AP1G1: variants seen among roughly 807,000 people sequenced by gnomAD.
AP1G1 encodes the protein adaptor related protein complex 1 subunit gamma 1.
Under a neutral mutation model 108.3 loss-of-function variants are expected in AP1G1, and 7 were observed. That is an observed-to-expected ratio of 0.06 (90% CI 0.04 to 0.12). The LOEUF (loss-of-function observed/expected upper bound fraction) is 0.12. Ranked by LOEUF, AP1G1 falls within the 10% of genes least tolerant of loss-of-function variation. AP1G1 has a pLI of 1.00. For missense variants in AP1G1, 756 were observed against 1,010.7 expected, an observed-to-expected ratio of 0.75 and a Z score of 3.42; for synonymous variants, 379 against 353.5, an observed-to-expected ratio of 1.07 and a Z score of -0.81.
At chr16:71,795,825 AG>A (rs1251033785) in intron 1 of AP1G1, among the ~76,000 whole-genome samples, 2 of 152,160 alleles carry the variant, frequency 1.3e-5, no homozygotes, top group Non-Finnish European at 2.9e-5. Context: ...AGGGGAGTAG[AG>A]GGGTGCATAC....
intron 5 of AP1G1, 151 bp downstream of exon 5, chr16:71,771,005 C>T (rs901201862): frequency 6.5e-6 from 3 of 458,160 alleles, no homozygotes; most frequent in Non-Finnish European, 1.2e-5. Context: ...AGTGGAAAGA[C>T]TTGTCAGACC....
intron 2 of AP1G1, chr16:71,777,799 C>A: frequency 2.4e-6 from 1 of 412,008 alleles, no homozygotes; most frequent in South Asian, 1.9e-5. Context: ...CCTTGGTGCC[C>A]AACTCAGCCA....
At chr16:71,768,192 T>TAAAAA (rs10610445) in intron 6 of AP1G1, among the ~76,000 whole-genome samples, 2 of 99,806 alleles carry the variant, frequency 2.0e-5, no homozygotes, top group Non-Finnish European at 4.0e-5. Flanking sequence ...AATACTAGTT[T>TAAAAA]AAAAAAAAAA....
chr16:71,764,312 A>C, intron 9 of AP1G1, 38 bp downstream of exon 9: 1 of 1,293,374 alleles, frequency 7.7e-7, no homozygotes, highest in Non-Finnish European at 1.1e-6. Context: ...TCTAAGTGAA[A>C]CATTTAGGGG....
chr16:71,769,585 C>T, intron 6 of AP1G1, 38 bp downstream of exon 6: 2 of 1,555,450 alleles, frequency 1.3e-6, no homozygotes, highest in Middle Eastern at 1.8e-4. Flanking sequence ...AATCATTTTT[C>T]AATCAAGAAA....
intron 21 of AP1G1, among the ~76,000 whole-genome samples, chr16:71,737,233 G>A (rs1241014681): frequency 6.6e-6 from 1 of 152,076 alleles, no homozygotes; most frequent in Non-Finnish European, 1.5e-5. Context: ...CAAACAGAAT[G>A]GCTCTAGAGT....
chr16:71,788,353 T>C (rs541428420), intron 2 of AP1G1, among the ~76,000 whole-genome samples: 16 of 152,244 alleles, frequency 1.1e-4, no homozygotes, highest in Non-Finnish European at 1.8e-4. Context: ...AAAAACCCAC[T>C]ATTTCCTTTT....
intron 9 of AP1G1, among the ~76,000 whole-genome samples, chr16:71,762,729 T>C (rs1399962257): frequency 6.6e-6 from 1 of 152,242 alleles, no homozygotes; most frequent in East Asian, 1.9e-4. Flanking sequence ...TCCATCTGGC[T>C]GTTCATCTAT....
intron 11 of AP1G1, 105 bp downstream of exon 11, chr16:71,758,703 T>C: frequency 3.0e-6 from 2 of 672,042 alleles, no homozygotes; most frequent in East Asian, 2.7e-5. Flanking sequence ...GTCAACACTC[T>C]TGCTCTGAAA....
chr16:71,796,974 A>G (rs1156806763), intron 1 of AP1G1, among the ~76,000 whole-genome samples: 2 of 151,570 alleles, frequency 1.3e-5, no homozygotes, highest in African/African-American at 4.8e-5. Flanking sequence ...GTTCAAGACC[A>G]GCCTAGGCAA....
chr16:71,736,162 T>C, intron 21 of AP1G1, among the ~76,000 whole-genome samples: 1 of 139,436 alleles, frequency 7.2e-6, no homozygotes. Context: ...TTATTCATAA[T>C]TCTGCCACAT....
intron 1 of AP1G1, among the ~76,000 whole-genome samples, chr16:71,794,976 T>C (rs971908499): frequency 3.3e-5 from 5 of 151,424 alleles, no homozygotes; most frequent in Non-Finnish European, 7.4e-5. Context: ...ATAAATACTA[T>C]ATTTATTAAA....
At chr16:71,733,485 G>A (rs1047660239) in intron 22 of AP1G1, among the ~76,000 whole-genome samples, 7 of 7,714 alleles carry the variant, frequency 9.1e-4, no homozygotes, top group African/African-American at 2.8e-3. Flanking sequence ...TTATTGCCCA[G>A]GCTGGAGTGC....
chr16:71,734,733 C>G, intron 21 of AP1G1, 26 bp from the exon 22 acceptor site: 2 of 1,579,880 alleles, frequency 1.3e-6, no homozygotes, highest in Non-Finnish European at 1.7e-6. Flanking sequence ...GGGCACTCTT[C>G]AGAAAAAGAA....
intron 12 of AP1G1, 57 bp downstream of exon 12, chr16:71,755,962 G>T: frequency 6.4e-7 from 1 of 1,562,914 alleles, no homozygotes; most frequent in Non-Finnish European, 8.7e-7. Context: ...ATGTTTTAAA[G>T]ACACTTCCAA....
chr16:71,742,225 A>G (rs1405132315), intron 19 of AP1G1: 1 of 152,154 alleles, frequency 6.6e-6, no homozygotes. Flanking sequence ...AGGATACAGG[A>G]ATGTTCAGAA....
At chr16:71,786,892 G>A (rs112212066) in intron 2 of AP1G1, among the ~76,000 whole-genome samples, 2 of 152,194 alleles carry the variant, frequency 1.3e-5, no homozygotes, top group African/African-American at 4.8e-5. Context: ...GCAAAGCCCT[G>A]TCTCTATAAA....
chr16:71,808,323 G>C (rs750660026), intron 1 of AP1G1: 189 of 760,102 alleles, frequency 2.5e-4, no homozygotes, highest in Non-Finnish European at 3.1e-4. Context: ...CGATTAACTG[G>C]GCATTTGGAT....
intron 10 of AP1G1, among the ~76,000 whole-genome samples, chr16:71,760,146 A>G (rs989803611): frequency 5.3e-5 from 8 of 151,938 alleles, no homozygotes; most frequent in Non-Finnish European, 4.4e-5. Flanking sequence ...GCTGGATTAC[A>G]GGTGTGAGCC....
Sources: allele counts gnomAD v4.1 joint callset (sites outside exome capture counted in the v4.1 genomes callset), GRCh38; gene constraint gnomAD v4.1.1; transcripts MANE v1.5; gene names NCBI Gene and HGNC (gene_info 2026-07-23, HGNC 2026-07-21).